The following PCNX1 variants were observed in gnomAD, a reference collection of about 807,000 sequenced individuals.
PCNX1 encodes the protein pecanex-like protein 1.
Under a neutral mutation model 242.2 loss-of-function variants are expected in PCNX1, and 78 were observed. That is an observed-to-expected ratio of 0.32 (90% confidence interval 0.27 to 0.39). The LOEUF (loss-of-function observed/expected upper bound fraction) is 0.39. PCNX1 is among the 10% of genes least tolerant of loss of function. The pLI, the probability that PCNX1 is intolerant of heterozygous loss-of-function variation, is 1.00. For missense variants in PCNX1, 2,581 were observed against 2,856.5 expected (o/e 0.90, Z 2.20); for synonymous variants, 1,024 against 1,032.9 (o/e 0.99, Z 0.17).
At chr14:71,097,001 C>G (rs1422730755) in intron 30 of PCNX1, among the ~76,000 whole-genome samples, 1 of 152,134 alleles carries the variant, frequency 6.6e-6, no homozygotes, top group African/African-American at 2.4e-5. Flanking sequence ...TCCTCCTCCC[C>G]ACCCCGCACC....
At chr14:70,991,160 G>A (rs1566668343) in intron 7 of PCNX1, among the ~76,000 whole-genome samples, 1 of 149,744 alleles carries the variant, frequency 6.7e-6, no homozygotes, top group Non-Finnish European at 1.5e-5. Context: ...TTTTTCTAGG[G>A]TTTGGAATAC....
chr14:71,042,472 A>T (rs780134652), intron 19 of PCNX1, among the ~76,000 whole-genome samples: 4 of 151,986 alleles, frequency 2.6e-5, no homozygotes, highest in African/African-American at 7.2e-5. Context: ...TTTGTCTGAT[A>T]CAAGTATAGC....
chr14:70,939,745 C>A (rs955722424), intron 1 of PCNX1, among the ~76,000 whole-genome samples: 1 of 151,780 alleles, frequency 6.6e-6, no homozygotes, highest in African/African-American at 2.4e-5. Context: ...TAAAGTCTCC[C>A]ATTATTGTGT....
intron 1 of PCNX1, among the ~76,000 whole-genome samples, chr14:70,921,994 A>G (rs938954861): frequency 1.2e-4 from 18 of 152,140 alleles, no homozygotes; most frequent in African/African-American, 4.1e-4. Flanking sequence ...GTTAACAGTC[A>G]CTGTGCTGGG....
chr14:71,085,997 C>T (rs2061979781), intron 28 of PCNX1, among the ~76,000 whole-genome samples: 1 of 152,174 alleles, frequency 6.6e-6, no homozygotes, highest in Non-Finnish European at 1.5e-5. Context: ...ACGCCCTGTT[C>T]ATTTATTTTC....
At chr14:71,055,683 A>C (rs1483535867) in intron 25 of PCNX1, 121 bp downstream of exon 25, 4 of 574,782 alleles carry the variant, frequency 7.0e-6, no homozygotes, top group Non-Finnish European at 1.2e-5. Context: ...ACTTTTAAAA[A>C]CTAAATATTA....
chr14:70,961,314 A>G (rs1336382654), intron 2 of PCNX1, among the ~76,000 whole-genome samples: 1 of 152,198 alleles, frequency 6.6e-6, no homozygotes, highest in Non-Finnish European at 1.5e-5. Context: ...GTACCAAAAC[A>G]GAGATATAGA....
At chr14:71,088,761 T>C (rs1463052755) in intron 29 of PCNX1, among the ~76,000 whole-genome samples, 4 of 152,200 alleles carry the variant, frequency 2.6e-5, no homozygotes, top group Non-Finnish European at 5.9e-5. Flanking sequence ...CCATATTTCC[T>C]TGCAGTCTTT....
At position 71,105,419 on chromosome 14, in the gene PCNX1, A is replaced by T. The variant is rs757000268; in HGVS notation, c.6280A>T (p.Thr2094Ser). 6.2e-7 allele frequency: 1 copy of T among 1,613,934 alleles called. No homozygotes were observed. The highest frequency in any genetic ancestry group is 1.1e-5 in the South Asian group (1 of 91,080). The change falls in exon 33 of 36, where the codon ACA becomes TCA. Residue 2094 changes from threonine (T) to serine (S), a missense_variant. This residue lies in a region of PCNX1 where 432 missense variants were observed against 433.6 expected (regional missense o/e 1.00). Transcript: ENST00000304743. ...AGGAACTGGACTCCACCCACCTGTCACATCTTATCCTCCAACACTAGGTAA... is the reference window on the plus strand; with the variant it reads ...AGGAACTGGACTCCACCCACCTGTCTCATCTTATCCTCCAACACTAGGTAA... ...GSGTGLHPPV[T>S]SYPPTLGTSH... is the part of the protein sequence containing the mutation.
At chr14:70,999,116 C>G (rs1453046440) in intron 8 of PCNX1, among the ~76,000 whole-genome samples, 1 of 152,166 alleles carries the variant, frequency 6.6e-6, no homozygotes, top group East Asian at 1.9e-4. Context: ...GAGACTGAAT[C>G]AGGTAGCCTT....
At position 71,084,475 on chromosome 14, in the gene PCNX1, G is replaced by A. The variant is rs369985631; in HGVS notation, c.5338-3855G>A. Among the ~76,000 whole-genome samples, 10 of 152,332 alleles carry A rather than the reference G, an allele frequency of 6.6e-5. No individual in the cohort carries two copies. In the South Asian group the frequency reaches 1.2e-3, roughly 19 times the overall value. On this transcript the variant is annotated intron_variant, in intron 28 of 35. Transcript: ENST00000304743. Reference sequence around the variant, plus strand: ...AGCCACCCCTTCCCCCAGGTGCTCTGTCCCAGGGAGATGGGAGTTTTATCT... The same window carrying A: ...AGCCACCCCTTCCCCCAGGTGCTCTATCCCAGGGAGATGGGAGTTTTATCT...
At position 71,110,556 on chromosome 14, in the gene PCNX1, T is replaced by C. The variant is rs1388784238; in HGVS notation, c.*621T>C. The C allele has an allele frequency of 6.5e-6, 1 of 152,846 alleles. No homozygotes were observed. Among genetic ancestry groups the C allele is most frequent in the African/African-American group, 2.4e-5 (1 of 41,470 alleles). The allele number at this position is 152,846 out of a possible 1,614,324, so 9.5% of individuals were successfully genotyped here. On this transcript the variant is annotated 3_prime_UTR_variant, in exon 36 of 36. Transcript: ENST00000304743. ...CAGAACATTTATTTATATATAAAAA[T>C]AAAATACCATTATTTAAATTGCCTT...
At chr14:70,936,355 C>T (rs1009834211) in intron 1 of PCNX1, among the ~76,000 whole-genome samples, 1 of 150,856 alleles carries the variant, frequency 6.6e-6, no homozygotes, top group African/African-American at 2.4e-5. Context: ...TGTTCAGTTC[C>T]CACCTATGAG....
intron 16 of PCNX1, chr14:71,031,666 A>G: frequency 4.2e-6 from 3 of 708,246 alleles, no homozygotes; most frequent in South Asian, 1.5e-5. Flanking sequence ...CACCGTCAGT[A>G]GGTCCTGCTC....
chr14:71,030,309 T>C (rs773617955), intron 16 of PCNX1, among the ~76,000 whole-genome samples: 6 of 152,222 alleles, frequency 3.9e-5, no homozygotes, highest in African/African-American at 7.2e-5. Flanking sequence ...GACTGCCCTT[T>C]ATGAAAGTTG....
intron 2 of PCNX1, 74 bp from the exon 3 acceptor site, chr14:70,962,152 A>T: frequency 1.1e-6 from 1 of 944,294 alleles, no homozygotes; most frequent in South Asian, 1.5e-5. Flanking sequence ...AGTATAACTT[A>T]AAAAATTAAC....
rs1480921151 is a variant in PCNX1 at position 71,113,290 on chromosome 14, CTACTTATAATT to C, written c.*3356_*3366del. 6.6e-5 allele frequency: 10 copies of C among 152,362 alleles called. No homozygotes were observed. The highest frequency in any genetic ancestry group is 2.2e-4 in the African/African-American group (9 of 41,418). The allele number at this position is 152,362 out of a possible 1,614,324, so 9.4% of individuals were successfully genotyped here. On this transcript the variant is annotated 3_prime_UTR_variant, in exon 36 of 36. Coordinates refer to ENST00000304743, the MANE Select transcript of PCNX1 (RefSeq NM_014982.3). ...GGAAAATATTTCAAGTATATCTGAACTACTTATAATTCTTAAAACAGAAGTAGTCAGACAAT... is the reference window on the plus strand; with the variant it reads ...GGAAAATATTTCAAGTATATCTGAACCTTAAAACAGAAGTAGTCAGACAAT...
rs561263676 is a variant in PCNX1, at chr14:70,922,764, T to C, written c.153+14761T>C. Reference sequence around the variant, plus strand: ...GGGACATTTAGGTCATTACCTTTTTTTTTTTTTTTTTGCTAGTGCAAACAA... The same window carrying C: ...GGGACATTTAGGTCATTACCTTTTTCTTTTTTTTTTTGCTAGTGCAAACAA... On this transcript the variant is annotated intron_variant, in intron 1 of 35. Transcript: ENST00000304743. 3.9e-3 allele frequency among the ~76,000 whole-genome samples: 586 copies of C among 150,862 alleles called. 4 individuals are homozygous for C. The highest frequency in any genetic ancestry group is 4.7e-3 in the Non-Finnish European group (320 of 67,866).
intron 7 of PCNX1, among the ~76,000 whole-genome samples, chr14:70,991,403 A>T (rs576172203): frequency 3.9e-5 from 6 of 152,024 alleles, no homozygotes; most frequent in Admixed American, 2.6e-4. Flanking sequence ...ATGGGGTTTC[A>T]CTATGCTGGC....
Sources: gnomAD v4.1 joint callset for allele counts (sites outside exome capture counted in the v4.1 genomes callset) on GRCh38, gnomAD v4.1.1 for gene constraint, gnomAD v4.1.1 regional missense constraint, MANE v1.5 for transcripts, NCBI Gene and HGNC (gene_info 2026-07-23, HGNC 2026-07-21) for gene names.